Variants in SRGAP3 observed in about 807,000 individuals in gnomAD.
SRGAP3 encodes SLIT-ROBO Rho GTPase-activating protein 3.
In SRGAP3, 39 loss-of-function variants were observed where a neutral mutation model predicts 121.1. The observed-to-expected ratio is 0.32, with a 90% CI of 0.25 to 0.42. The LOEUF (loss-of-function observed/expected upper bound fraction) is 0.42, where lower values mean the gene tolerates loss of function less well. Ranked by LOEUF, SRGAP3 falls within the 10% of genes least tolerant of loss-of-function variation. The pLI is 1.00. For missense variants in SRGAP3, 1,213 were observed against 1,470.6 expected, an observed-to-expected ratio of 0.82 and a Z score of 2.86; for synonymous variants, 601 against 570.0, an observed-to-expected ratio of 1.05 and a Z score of -0.77.
At chr3:9,176,960 G>A (rs768840756) in intron 1 of SRGAP3, among the ~76,000 whole-genome samples, 3 of 152,174 alleles carry the variant, frequency 2.0e-5, no homozygotes, top group Non-Finnish European at 4.4e-5. Context: ...TAAGTCAATA[G>A]CAGCAAGGTT....
intron 2 of SRGAP3, among the ~76,000 whole-genome samples, chr3:9,327,159 C>CAGTAAGGTAATTTAAT (rs1205969260): frequency 6.6e-6 from 1 of 151,710 alleles, no homozygotes; most frequent in Non-Finnish European, 1.5e-5. Flanking sequence ...ATCAGTTTTA[C>CAGTAAGGTAATTTAAT]CGTAAGGTAA....
chr3:9,123,834 G>A (rs1949118660), intron 2 of SRGAP3, among the ~76,000 whole-genome samples: 1 of 151,382 alleles, frequency 6.6e-6, no homozygotes, highest in Non-Finnish European at 1.5e-5. Flanking sequence ...CCAGGGGAAG[G>A]GGGATCAGGA....
intron 3 of SRGAP3, among the ~76,000 whole-genome samples, chr3:9,259,323 G>C (rs1036195052): frequency 6.6e-6 from 1 of 152,010 alleles, no homozygotes; most frequent in Non-Finnish European, 1.5e-5. Flanking sequence ...CTGTCACCCA[G>C]GCTAGAGTGA....
At chr3:9,271,227 G>A (rs28612548) in intron 3 of SRGAP3, among the ~76,000 whole-genome samples, 213 of 152,330 alleles carry the variant, frequency 1.4e-3, no homozygotes, top group African/African-American at 4.8e-3. Flanking sequence ...CCAGCTACCT[G>A]GGAGGCTGAG....
At chr3:9,154,468 T>G (rs556363841) in intron 1 of SRGAP3, among the ~76,000 whole-genome samples, 1 of 151,826 alleles carries the variant, frequency 6.6e-6, no homozygotes, top group East Asian at 1.9e-4. Flanking sequence ...AGTTCACCAT[T>G]TCCCAAGACA....
intron 2 of SRGAP3, among the ~76,000 whole-genome samples, chr3:9,117,956 C>CA (rs1281994007): frequency 2.0e-5 from 3 of 151,936 alleles, no homozygotes; most frequent in African/African-American, 4.8e-5. Context: ...CCTGCCTCTA[C>CA]AAAAAAATAA....
chr3:9,208,904 G>C (rs1232958755), intron 1 of SRGAP3, among the ~76,000 whole-genome samples: 1 of 152,244 alleles, frequency 6.6e-6, no homozygotes, highest in Non-Finnish European at 1.5e-5. Context: ...CCTACAGCAT[G>C]CATTCAATCA....
intron 3 of SRGAP3, among the ~76,000 whole-genome samples, chr3:9,302,284 G>A (rs990832442): frequency 6.6e-6 from 1 of 152,142 alleles, no homozygotes; most frequent in African/African-American, 2.4e-5. Context: ...AGCTAGAGAC[G>A]AATGAGAAAC....
chr3:9,013,446 T>G lies in SRGAP3; in HGVS notation c.2009A>C (p.Gln670Pro), dbSNP rs1559911675. 20 of 1,614,000 alleles carry G rather than the reference T, an allele frequency of 1.2e-5. No homozygotes were observed. The highest frequency in any genetic ancestry group is 1.7e-5 in the Admixed American group (1 of 59,998). The change falls in exon 17 of 22, where the codon CAG becomes CCG. Residue 670 changes from glutamine (Q) to proline (P), a missense_variant. Coordinates refer to ENST00000383836, the MANE Select transcript of SRGAP3 (RefSeq NM_014850.4). ...GPTLMHIPDG[Q>P]DPVSCQAHIN... ...GTGTGCCTGGCAGGACACAGGGTCC[T>G]GCCCATCAGGGATGTGCATGAGGGT... is the stretch of plus-strand genomic sequence containing the variant.
At chr3:9,054,718 A>G (rs1174834209) in intron 8 of SRGAP3, among the ~76,000 whole-genome samples, 1 of 152,212 alleles carries the variant, frequency 6.6e-6, no homozygotes, top group Non-Finnish European at 1.5e-5. Context: ...AGTTTCAAGT[A>G]TTATTTGTCT....
At chr3:9,264,706 T>G (rs986174306) in intron 3 of SRGAP3, among the ~76,000 whole-genome samples, 5 of 152,110 alleles carry the variant, frequency 3.3e-5, no homozygotes, top group Non-Finnish European at 7.3e-5. Flanking sequence ...AGAGCACTGC[T>G]CAAGGAAATA....
intron 3 of SRGAP3, among the ~76,000 whole-genome samples, chr3:9,286,917 T>TC (rs1304063037): frequency 2.0e-5 from 3 of 149,662 alleles, no homozygotes; most frequent in Non-Finnish European, 4.5e-5. Context: ...TGTGTTTTTT[T>TC]AATCTTTCAG....
rs761802559 is a variant in SRGAP3, at chr3:9,010,356, C to T, written c.2179G>A (p.Asp727Asn). ...DSPHSEPGAIDEVDHDNGTEP... is the reference protein window; with the variant it reads ...DSPHSEPGAINEVDHDNGTEP... ...GTGCCATTGTCATGGTCAACTTCAT[C>T]GATGGCCCCTGGCTCGCTGTGTGGG... is the stretch of plus-strand genomic sequence containing the variant. Residue 727 changes from aspartate to asparagine, a missense_variant, in exon 18 of 22, where the codon GAT (aspartate) becomes AAT (asparagine). By Grantham distance (23) the Asp-to-Asn change is conservative (BLOSUM62 1). This residue lies in a region of SRGAP3 where 793 missense variants were observed against 1,032.9 expected (regional missense o/e 0.77). Transcript: ENST00000383836. 2.0e-5 allele frequency: 32 copies of T among 1,613,970 alleles called. No homozygotes were observed. The East Asian group carries it at 2.0e-4, about 10-fold the overall frequency.
intron 3 of SRGAP3, among the ~76,000 whole-genome samples, chr3:9,279,828 G>A (rs1012674245): frequency 2.0e-5 from 3 of 152,104 alleles, no homozygotes; most frequent in Admixed American, 1.3e-4. Flanking sequence ...CACCCTGATC[G>A]TGGCAAATGC....
intron 1 of SRGAP3, among the ~76,000 whole-genome samples, chr3:9,170,726 G>A (rs775063934): frequency 9.2e-5 from 14 of 152,232 alleles, no homozygotes; most frequent in East Asian, 1.9e-4. Context: ...CTTCACAAGC[G>A]TGGGTCTGAG....
intron 3 of SRGAP3, among the ~76,000 whole-genome samples, chr3:9,296,631 A>T (rs12638498): frequency 0.15 from 22,133 of 152,252 alleles, 1,889 homozygotes; most frequent in South Asian, 0.2. Context: ...CTGAATGCTC[A>T]GCTTGGCTCT....
chr3:9,015,570 TGATCATTTCACCTGG>T lies in SRGAP3; in HGVS notation c.1813+12_1813+26del. On this transcript the variant is annotated intron_variant, in intron 15 of 21. Transcript: ENST00000383836. Reference sequence around the variant, plus strand: ...CTCCAACAATGATTTGTCAAAAAACTGATCATTTCACCTGGGAAATACTTACTAATAGTAGATATC... The same window carrying T: ...CTCCAACAATGATTTGTCAAAAAACTGAAATACTTACTAATAGTAGATATC... The T allele has an allele frequency of 1.2e-6, 2 of 1,613,426 alleles. No individual in the cohort carries two copies. Among genetic ancestry groups the T allele is most frequent in the East Asian group, 4.5e-5 (2 of 44,878 alleles).
In SRGAP3 at chr3:9,071,617, G is replaced by A. The variant is rs77208967; in HGVS notation, c.487-7036C>T. On this transcript the variant is annotated intron_variant, in intron 4 of 21. Coordinates refer to ENST00000383836, the MANE Select transcript of SRGAP3 (RefSeq NM_014850.4). ...ACACAGAGGAAAACAAACCAGAAGTGGGAGAGAGACTGATTCTCAAAGGTG... is the reference window on the plus strand; with the variant it reads ...ACACAGAGGAAAACAAACCAGAAGTAGGAGAGAGACTGATTCTCAAAGGTG... Among the ~76,000 whole-genome samples, 327 of 151,952 alleles carry A rather than the reference G, an allele frequency of 2.2e-3. 6 individuals carry two copies. The East Asian group carries it at 0.027, about 13-fold the overall frequency.
chr3:9,107,876 T>C (rs577272279), intron 2 of SRGAP3, among the ~76,000 whole-genome samples: 2 of 152,178 alleles, frequency 1.3e-5, no homozygotes, highest in African/African-American at 4.8e-5. Flanking sequence ...GTGCCTGCCA[T>C]GTAGCAGATG....
Sources: allele counts gnomAD v4.1 joint callset (sites outside exome capture counted in the v4.1 genomes callset), GRCh38; gene constraint gnomAD v4.1.1; regional missense constraint gnomAD v4.1.1; transcripts MANE v1.5; gene names NCBI Gene and HGNC (gene_info 2026-07-23, HGNC 2026-07-21).